The following DCDC2C variants were observed in gnomAD, a reference collection of about 807,000 sequenced individuals.
DCDC2C encodes the protein doublecortin domain containing 2C, also known as doublecortin domain-containing protein 2C.
In DCDC2C, 44 loss-of-function variants were observed where a neutral mutation model predicts 45.0. The observed-to-expected ratio is 0.98, with a 90% CI of 0.77 to 1.26. The LOEUF is 1.26. Among genes scored for constraint, DCDC2C ranks in the 50% most tolerant of loss-of-function variants. The pLI is 0.00. For missense variants in DCDC2C, 447 were observed against 468.9 expected, an observed-to-expected ratio of 0.95 and a Z score of 0.43; for synonymous variants, 187 against 178.8, an observed-to-expected ratio of 1.05 and a Z score of -0.37.
chr2:3,764,121 T>C (rs1243523078), intron 6 of DCDC2C, among the ~76,000 whole-genome samples: 1 of 152,222 alleles, frequency 6.6e-6, no homozygotes, highest in Non-Finnish European at 1.5e-5. Flanking sequence ...ACCTCTATTA[T>C]ATGCAACTAG....
chr2:3,762,798 G>C (rs901992772), intron 6 of DCDC2C, among the ~76,000 whole-genome samples: 1 of 152,144 alleles, frequency 6.6e-6, no homozygotes, highest in South Asian at 2.1e-4. Flanking sequence ...GGAACAAGAC[G>C]ACCTTTGAGT....
intron 2 of DCDC2C, among the ~76,000 whole-genome samples, chr2:3,723,200 C>G (rs1321409027): frequency 6.6e-6 from 1 of 152,166 alleles, no homozygotes; most frequent in African/African-American, 2.4e-5. Flanking sequence ...CGTTCAGGCA[C>G]TGAAGGTACT....
At chr2:3,834,073 C>T (rs970830088) in intron 10 of DCDC2C, among the ~76,000 whole-genome samples, 3 of 151,986 alleles carry the variant, frequency 2.0e-5, no homozygotes, top group Admixed American at 6.6e-5. Context: ...ACAGAGATTT[C>T]CTGTTTACTC....
At chr2:3,758,260 C>T (rs1669778853) in intron 6 of DCDC2C, among the ~76,000 whole-genome samples, 1 of 152,174 alleles carries the variant, frequency 6.6e-6, no homozygotes. Flanking sequence ...CATCTGACGT[C>T]GACAGCGTCT....
At chr2:3,800,502 C>T (rs540651321) in intron 10 of DCDC2C, among the ~76,000 whole-genome samples, 1 of 152,254 alleles carries the variant, frequency 6.6e-6, no homozygotes, top group South Asian at 2.1e-4. Flanking sequence ...GCCTGCCAGC[C>T]CCCCAAGAAT....
intron 10 of DCDC2C, among the ~76,000 whole-genome samples, chr2:3,816,687 G>C (rs1671566600): frequency 3.3e-5 from 5 of 152,308 alleles, no homozygotes; most frequent in Admixed American, 2.0e-4. Context: ...TGTCAGCAAA[G>C]ATTATCTATC....
chr2:3,797,651 T>G (rs1670996568), intron 10 of DCDC2C, among the ~76,000 whole-genome samples: 1 of 151,140 alleles, frequency 6.6e-6, no homozygotes, highest in African/African-American at 2.4e-5. Flanking sequence ...CAGGAGCAGG[T>G]TGTTCAGTTT....
At chr2:3,748,842 T>C (rs1669452177) in intron 4 of DCDC2C, among the ~76,000 whole-genome samples, 1 of 152,180 alleles carries the variant, frequency 6.6e-6, no homozygotes, top group South Asian at 2.1e-4. Flanking sequence ...CCCTGTCTGA[T>C]AAATCTCTGC....
At position 3,774,305 on chromosome 2, in the gene DCDC2C, G is replaced by A. The variant is rs530578430; in HGVS notation, c.955-4511G>A. Among the ~76,000 whole-genome samples the A allele has an allele frequency of 9.8e-5, 15 of 152,320 alleles. No individual in the cohort carries two copies. The East Asian group carries it at 1.5e-3, about 16-fold the overall frequency. Reference sequence around the variant, plus strand: ...TAAGGATGTTTTGGCTGTAAGGAACGGGAAACTTCAAGAGAAGTGGTTTAA... The same window carrying A: ...TAAGGATGTTTTGGCTGTAAGGAACAGGAAACTTCAAGAGAAGTGGTTTAA... On this transcript the variant is annotated intron_variant, in intron 8 of 10. Coordinates refer to ENST00000399143, the MANE Select transcript of DCDC2C (RefSeq NM_001287444.2).
intron 2 of DCDC2C, among the ~76,000 whole-genome samples, chr2:3,719,307 A>G (rs534909389): frequency 2.8e-4 from 43 of 152,198 alleles, no homozygotes; most frequent in African/African-American, 9.9e-4. Flanking sequence ...GGATGGTCTC[A>G]ATCTTCTGAC....
chr2:3,718,832 CAA>C (rs1280603794), intron 2 of DCDC2C, among the ~76,000 whole-genome samples: 2 of 152,170 alleles, frequency 1.3e-5, no homozygotes, highest in African/African-American at 4.8e-5. Context: ...GGCACGGACC[CAA>C]AGAGTTTTAT....
At chr2:3,790,327 G>A (rs1041509177) in intron 10 of DCDC2C, among the ~76,000 whole-genome samples, 6 of 152,324 alleles carry the variant, frequency 3.9e-5, no homozygotes, top group Admixed American at 2.6e-4. Context: ...TAATATTTAA[G>A]TGATTTGACA....
intron 4 of DCDC2C, among the ~76,000 whole-genome samples, chr2:3,743,309 A>T (rs1669269472): frequency 6.6e-6 from 1 of 152,218 alleles, no homozygotes; most frequent in Non-Finnish European, 1.5e-5. Flanking sequence ...CAATAATAGG[A>T]GGTGACTTCA....
chr2:3,742,910 T>G (rs1056774268), intron 4 of DCDC2C, among the ~76,000 whole-genome samples: 9 of 152,182 alleles, frequency 5.9e-5, no homozygotes, highest in Admixed American at 1.3e-4. Flanking sequence ...CCCATTTGCA[T>G]GAATGAAAGC....
chr2:3,843,260 G>A lies in DCDC2C; in HGVS notation c.1066-3894G>A, dbSNP rs192572092. Among the ~76,000 whole-genome samples the A allele has an allele frequency of 2.1e-3, 316 of 152,274 alleles. 4 individuals carry two copies. The highest frequency in any genetic ancestry group is 6.8e-3 in the Middle Eastern group (2 of 294). The stretch of plus-strand genomic sequence containing the variant: ...TTCCTGGGAGTGGACAAAATGGACC[G>A]CGCTGGGCCACAAAGTGGATATGGG... On this transcript the variant is annotated intron_variant, in intron 10 of 10. Coordinates refer to ENST00000399143, the MANE Select transcript of DCDC2C (RefSeq NM_001287444.2).
intron 10 of DCDC2C, among the ~76,000 whole-genome samples, chr2:3,796,859 G>T (rs1366248549): frequency 1.3e-5 from 2 of 151,866 alleles, no homozygotes; most frequent in African/African-American, 2.4e-5. Flanking sequence ...GCCCGGCTTT[G>T]GTATCAGGAT....
chr2:3,831,843 A>G (rs1346719474), intron 10 of DCDC2C, among the ~76,000 whole-genome samples: 1 of 152,238 alleles, frequency 6.6e-6, no homozygotes, highest in Non-Finnish European at 1.5e-5. Context: ...GGAACTGCAC[A>G]TGGCAGTGTT....
intron 10 of DCDC2C, among the ~76,000 whole-genome samples, chr2:3,833,091 C>G (rs1301357429): frequency 6.6e-6 from 1 of 152,212 alleles, no homozygotes; most frequent in African/African-American, 2.4e-5. Context: ...TGGGCCCTTC[C>G]TCTGTCTTCA....
At chr2:3,725,143 G>T (rs376799949) in intron 2 of DCDC2C, among the ~76,000 whole-genome samples, 1 of 152,180 alleles carries the variant, frequency 6.6e-6, no homozygotes, top group African/African-American at 2.4e-5. Context: ...AGTTTCCTGG[G>T]TGGGTGTGAA....
Sources: allele counts gnomAD v4.1 joint callset (sites outside exome capture counted in the v4.1 genomes callset), GRCh38; gene constraint gnomAD v4.1.1; transcripts MANE v1.5; gene names NCBI Gene and HGNC (gene_info 2026-07-23, HGNC 2026-07-21).